Variants in FASN observed in about 807,000 individuals in gnomAD.
FASN encodes 3-hydroxyacyl-[acyl-carrier-protein] dehydratase.
Under a neutral mutation model 250.0 loss-of-function variants are expected in FASN, and 50 were observed. The ratio of observed to expected loss-of-function variants is 0.20; its 90% CI spans 0.16 to 0.25. The LOEUF (loss-of-function observed/expected upper bound fraction) is 0.25. Ranked by LOEUF, FASN falls within the 10% of genes least tolerant of loss-of-function variation. The probability of loss-of-function intolerance (pLI) is 1.00; values close to 1 mark genes in which losing one functional copy is unlikely to be tolerated. For synonymous variants in FASN, 1,909 were observed against 1,584.0 expected, an observed-to-expected ratio of 1.21 and a Z score of -4.87; for missense variants, 3,031 against 3,498.5, an observed-to-expected ratio of 0.87 and a Z score of 3.37.
intron 15 of FASN, 39 bp downstream of exon 15, chr17:82,088,722 G>A (rs765775950): frequency 5.1e-6 from 8 of 1,576,244 alleles, no homozygotes; most frequent in South Asian, 1.1e-5. Flanking sequence ...CGCCGTCCCC[G>A]ACTCCGGGAG....
chr17:82,088,314 G>A lies in FASN; in HGVS notation c.2594-7C>T, dbSNP rs2034142168. On this transcript the variant is annotated splice_polypyrimidine_tract_variant and splice_region_variant and intron_variant, in intron 16 of 42. Transcript: ENST00000306749. ...GGAGACTCGGAGCTGGTGTCTGCGG[G>A]AGGGCACAGGCCTCAGCACAGAGCG... 4 of 1,607,990 alleles carry A rather than the reference G, an allele frequency of 2.5e-6. No homozygotes were observed. In the African/African-American group the frequency reaches 4.0e-5, roughly 16 times the overall value.
At position 82,092,527 on chromosome 17, in the gene FASN, C is replaced by T. The variant is rs1416146058; in HGVS notation, c.957G>A (p.Pro319=). 1.5e-5 allele frequency: 24 copies of T among 1,604,638 alleles called. No individual in the cohort carries two copies. The highest frequency in any genetic ancestry group is 4.4e-5 in the South Asian group (4 of 90,182). ...TRALCATRQE[P]LLIGSTKSNM... ...TGGACTTGGTGGAGCCGATGAGCAG[C>T]GGCTCCTGGCGGGTGGCGCACAGGG... Residue 319 remains proline (P), a synonymous_variant, in exon 8 of 43, where the codon CCG becomes CCA. Transcript: ENST00000306749.
Position 82,089,172 on chromosome 17 carries a change from C to A in FASN, c.2101G>T (p.Val701Leu). 6.3e-7 allele frequency: 1 copy of A among 1,583,952 alleles called. No individual in the cohort carries two copies. The highest frequency in any genetic ancestry group is 8.6e-7 in the Non-Finnish European group (1 of 1,165,566). The change falls in exon 14 of 43, where the codon GTG becomes TTG. Residue 701 changes from valine to leucine, a missense_variant and splice_region_variant. Transcript: ENST00000306749. Reference sequence around the variant, plus strand: ...GAACGTGGCTTCGGCTCCCGGATCACCTGCATGAGGGGCCAGGTCAGTGCT... The same window carrying A: ...GAACGTGGCTTCGGCTCCCGGATCAACTGCATGAGGGGCCAGGTCAGTGCT... ...APPLLQELKK[V>L]IREPKPRSAR... is the part of the protein sequence containing the mutation.
rs754667130 is a variant in FASN, at chr17:82,083,271, A to G, written c.5496T>C (p.His1832=). The G allele has an allele frequency of 6.2e-6, 10 of 1,612,606 alleles. No individual in the cohort carries two copies. In the South Asian group the frequency reaches 8.8e-5, roughly 14 times the overall value. Residue 1832 remains histidine (H), a synonymous_variant, in exon 32 of 43, where the codon CAT becomes CAC. Transcript: ENST00000306749. ...VVRPLKCTVF[H]GAQVEDAFRY... is the part of the protein sequence containing the mutation. ...GGAAGGCGTCCTCCACCTGGGCCCC[A>G]TGGAACACCGTGCACTTGAGGGGCC...
In FASN at chr17:82,089,105, T is replaced by C. The variant is rs2144798395; in HGVS notation, c.2168A>G (p.His723Arg). 1 of 1,570,428 alleles carries C rather than the reference T, an allele frequency of 6.4e-7. No homozygotes were observed. Among genetic ancestry groups the C allele is most frequent in the South Asian group, 1.2e-5 (1 of 86,334 alleles). ...GGAGGACGTGCGTGCCAGGCTGCTG[T>C]GCCACTGGGCCTCGGGGATAGAGGT... ...LSTSIPEAQW[H>R]SSLARTSSAE... Residue 723 changes from histidine (H) to arginine (R), a missense_variant, in exon 14 of 43, where the codon CAC becomes CGC. His to Arg is a conservative substitution (Grantham distance 29). Transcript: ENST00000306749.
chr17:82,091,122 C>T (rs918025641), intron 9 of FASN, 53 bp from the exon 10 acceptor site: 2 of 1,605,608 alleles, frequency 1.2e-6, no homozygotes, highest in Non-Finnish European at 1.7e-6. Flanking sequence ...CCACTGTGTG[C>T]CCATCCCCGT....
chr17:82,084,934 G>A lies in FASN; in HGVS notation c.4429C>T (p.Leu1477Phe), dbSNP rs539227516. The A allele has an allele frequency of 2.4e-5, 38 of 1,555,690 alleles. No individual in the cohort carries two copies. In the Admixed American group the frequency reaches 4.5e-4, roughly 18 times the overall value. Residue 1477 changes from leucine to phenylalanine, a missense_variant, in exon 26 of 43, where the codon CTC becomes TTC. Transcript: ENST00000306749. ...NRLRCVLLSN[L>F]SSTSHVPEVD... is the part of the protein sequence containing the mutation. The stretch of plus-strand genomic sequence containing the variant: ...TCCGGGACGTGGGAGGTGCTGCTGA[G>A]GTTGGAGAGCAGCACACACCTGGGG...
In FASN at chr17:82,087,814, G is replaced by C; in HGVS notation, c.2914C>G (p.Pro972Ala). The change falls in exon 19 of 43, where the codon CCG becomes GCG. Residue 972 changes from proline (P) to alanine (A), a missense_variant. Pro to Ala is a conservative substitution (Grantham distance 27, BLOSUM62 -1). Coordinates refer to ENST00000306749, the MANE Select transcript of FASN (RefSeq NM_004104.5). ...GTGGGGTTGGGGGTGGGGCTTTCCG[G>C]GTGGTCGAAGAGCCTGGGGTCAGGG... ...DDPDPRLFDHPESPTPNPTEP... is the reference protein window; with the variant it reads ...DDPDPRLFDHAESPTPNPTEP... The C allele has an allele frequency of 6.2e-7, 1 of 1,612,656 alleles. No homozygotes were observed. The highest frequency in any genetic ancestry group is 8.5e-7 in the Non-Finnish European group (1 of 1,179,930).
Position 82,081,310 on chromosome 17 carries a change from G to A in FASN, c.6449C>T (p.Ala2150Val), listed in dbSNP as rs1461481001. ...LAAVNLDSSL[A>V]DLGLDSLMSV... is the part of the protein sequence containing the mutation. ...CATGAGCGAGTCCAGGCCCAGGTCC[G>A]CCAGTGAGCTGTCCAGGTTGACAGC... Residue 2150 changes from alanine to valine, a missense_variant, in exon 38 of 43, where the codon GCG (alanine) becomes GTG (valine). By Grantham distance (64) the Ala-to-Val change is moderately conservative. Coordinates refer to ENST00000306749, the MANE Select transcript of FASN (RefSeq NM_004104.5). The A allele has an allele frequency of 1.7e-5, 27 of 1,556,950 alleles. No homozygotes were observed. The highest frequency in any genetic ancestry group is 3.5e-5 in the South Asian group (3 of 84,922).
At position 82,088,527 on chromosome 17, in the gene FASN, A is replaced by G. The variant is rs1200830605; in HGVS notation, c.2456T>C (p.Val819Ala). ...DANPNALFPP[V>A]EFPAPRGTPL... ...AGTTCCTCGGGGAGCTGGGAACTCC[A>G]CAGGTGGGAACAAGGCATTGGGGTT... The change falls in exon 16 of 43, where the codon GTG becomes GCG. Residue 819 changes from valine (V) to alanine (A), a missense_variant. Coordinates refer to ENST00000306749, the MANE Select transcript of FASN (RefSeq NM_004104.5). The G allele has an allele frequency of 9.3e-6, 15 of 1,607,422 alleles. No homozygotes were observed. The highest frequency in any genetic ancestry group is 2.2e-5 in the South Asian group (2 of 90,750).
rs537740304 is a variant in FASN, at chr17:82,095,552, G to C, written c.128-80C>G. 38 of 1,530,938 alleles carry C rather than the reference G, an allele frequency of 2.5e-5. No individual in the cohort carries two copies. The South Asian group carries it at 4.0e-4, about 16-fold the overall frequency. The allele number at this position is 1,530,938 out of a possible 1,614,324, so 94.8% of individuals were successfully genotyped here. A position where few individuals can be genotyped will look rare whatever the true frequency, so the allele number is the denominator to read the frequency against. ...CCCTGTGGGGTGCTGCAGGCCCCTG[G>C]AGGGGCCATGGTGGAACTGAGGACT... On this transcript the variant is annotated intron_variant, in intron 2 of 42. Transcript: ENST00000306749.
chr17:82,098,118 T>G lies in FASN; in HGVS notation c.-8+3A>C, dbSNP rs1313455570. The G allele has an allele frequency of 2.9e-6, 1 of 340,632 alleles. No individual in the cohort carries two copies. Among genetic ancestry groups the G allele is most frequent in the Non-Finnish European group, 5.3e-6 (1 of 188,322 alleles). The allele number at this position is 340,632 out of a possible 1,614,324, so 21.1% of individuals were successfully genotyped here. The stretch of plus-strand genomic sequence containing the variant: ...CCCCGGCCCCAGCGCCGGCTGCTCG[T>G]ACCTGGTGAGGGCGCGGGCGGCGGT... On this transcript the variant is annotated splice_donor_region_variant and intron_variant, in intron 1 of 42. Coordinates refer to ENST00000306749, the MANE Select transcript of FASN (RefSeq NM_004104.5).
chr17:82,093,759 T>G lies in FASN; in HGVS notation c.293A>C (p.Asp98Ala), dbSNP rs758719150. 1.2e-6 allele frequency: 2 copies of G among 1,612,308 alleles called. No homozygotes were observed. The highest frequency in any genetic ancestry group is 8.5e-7 in the Non-Finnish European group (1 of 1,179,808). The change falls in exon 4 of 43, where the codon GAT (aspartate) becomes GCT (alanine). Residue 98 changes from aspartate (D) to alanine (A), a missense_variant. Physicochemically the swap from Asp to Ala is moderately radical, Grantham distance 126. Transcript: ENST00000306749. ...GCCAGTGTGTGTTCCTCGGAGTGAA[T>G]CTGGGTTGATGCCTGCCACAAACAG... ...EAIVDGGINP[D>A]SLRGTHTGVW...
Position 82,088,311 on chromosome 17 carries a change from C to T in FASN, c.2594-4G>A, listed in dbSNP as rs761310825. The T allele has an allele frequency of 8.7e-6, 14 of 1,607,278 alleles. No homozygotes were observed. The highest frequency in any genetic ancestry group is 6.7e-5 in the African/African-American group (5 of 74,908). On this transcript the variant is annotated splice_polypyrimidine_tract_variant and splice_region_variant and intron_variant, in intron 16 of 42. Coordinates refer to ENST00000306749, the MANE Select transcript of FASN (RefSeq NM_004104.5). ...TCAGGAGACTCGGAGCTGGTGTCTG[C>T]GGGAGGGCACAGGCCTCAGCACAGA... is the stretch of plus-strand genomic sequence containing the variant.
In FASN at chr17:82,084,070, C is replaced by T; in HGVS notation, c.5003G>A (p.Gly1668Glu). 1 of 1,551,942 alleles carries T rather than the reference C, an allele frequency of 6.4e-7. No individual in the cohort carries two copies. The highest frequency in any genetic ancestry group is 8.7e-7 in the Non-Finnish European group (1 of 1,149,546). ...GCCCGAGTGGATGAGCAGCGTCTCC[C>T]CGGGGCGCACCCGCCCACGCACCAC... ...ALVVRGRVRP[G>E]ETLLIHSGSG... The change falls in exon 29 of 43, where the codon GGG becomes GAG. Residue 1668 changes from glycine (G) to glutamate (E), a missense_variant. By Grantham distance (98) the Gly-to-Glu change is moderately conservative. Transcript: ENST00000306749.
At chr17:82,096,868 C>T in intron 1 of FASN, 2 of 316,708 alleles carry the variant, frequency 6.3e-6, no homozygotes, top group East Asian at 1.6e-4. Context: ...GAGGAGCAGG[C>T]AGGGTCACCT....
rs1568120407 is a variant in FASN at position 82,098,188 on chromosome 17, T to TG, written c.-76dup. On this transcript the variant is annotated 5_prime_UTR_variant, in exon 1 of 43. Coordinates refer to ENST00000306749, the MANE Select transcript of FASN (RefSeq NM_004104.5). The stretch of plus-strand genomic sequence containing the variant: ...GCTGGAGCGCGGCGGAGCGGGAGGC[T>TG]GAAGCGCGGCGGAGAGGGAGGCCGG... The TG allele has an allele frequency of 8.3e-6, 3 of 363,118 alleles. No individual in the cohort carries two copies. Among genetic ancestry groups the TG allele is most frequent in the Non-Finnish European group, 1.5e-5 (3 of 203,420 alleles). The allele number at this position is 363,118 out of a possible 1,614,324, so 22.5% of individuals were successfully genotyped here.
Position 82,083,506 on chromosome 17 carries a change from G to A in FASN, c.5341+11C>T. On this transcript the variant is annotated intron_variant, in intron 31 of 42. Transcript: ENST00000306749. ...CCATGCCCACCCCCGCCCAGGCGCT[G>A]CCGGCCTCACCGAGCGGGTGGTTCT... is the stretch of plus-strand genomic sequence containing the variant. 1 of 1,612,790 alleles carries A rather than the reference G, an allele frequency of 6.2e-7. No individual in the cohort carries two copies. The highest frequency in any genetic ancestry group is 8.5e-7 in the Non-Finnish European group (1 of 1,179,978).
At position 82,089,014 on chromosome 17, in the gene FASN, A is replaced by T. The variant is rs1048412913; in HGVS notation, c.2259T>A (p.Pro753=). ...VLFQEALWHV[P]EHAVVLEIAP... Reference sequence around the variant, plus strand: ...CGATCTCCAGCACCACCGCGTGCTCAGGCACGTGCCACAGGGCCTCCTGGA... The same window carrying T: ...CGATCTCCAGCACCACCGCGTGCTCTGGCACGTGCCACAGGGCCTCCTGGA... Residue 753 remains proline (P), a synonymous_variant, in exon 14 of 43, where the codon CCT becomes CCA. Transcript: ENST00000306749. 6.2e-7 allele frequency: 1 copy of T among 1,608,826 alleles called. No individual in the cohort carries two copies. Among genetic ancestry groups the T allele is most frequent in the African/African-American group, 1.3e-5 (1 of 74,732 alleles).
Sources: allele counts gnomAD v4.1 joint callset, GRCh38; gene constraint gnomAD v4.1.1; transcripts MANE v1.5; gene names NCBI Gene and HGNC (gene_info 2026-07-23, HGNC 2026-07-21).